The following KCNH7 variants were observed in gnomAD, a reference collection of about 807,000 sequenced individuals.
KCNH7 encodes voltage-gated inwardly rectifying potassium channel KCNH7.
In KCNH7, 49 loss-of-function variants were observed where a neutral mutation model predicts 120.8. The observed-to-expected ratio is 0.41, with a 90% CI of 0.32 to 0.51. KCNH7 has a LOEUF of 0.51. Among genes scored for constraint, KCNH7 ranks in the 20% least tolerant of loss-of-function variants. KCNH7 has a pLI of 0.38. For synonymous variants in KCNH7, 547 were observed against 516.1 expected, an observed-to-expected ratio of 1.06 and a Z score of -0.81; for missense variants, 1,097 against 1,446.6, an observed-to-expected ratio of 0.76 and a Z score of 3.92.
intron 5 of KCNH7, among the ~76,000 whole-genome samples, chr2:162,509,196 A>AAAATTTATACGATGAGGCTATTT (rs1690981679): frequency 6.6e-6 from 1 of 151,602 alleles, no homozygotes; most frequent in African/African-American, 2.4e-5. Flanking sequence ...AAAGATATTT[A>AAAATTTATACGATGAGGCTATTT]AAATTTATAC....
At chr2:162,703,624 T>C (rs1185964515) in intron 2 of KCNH7, among the ~76,000 whole-genome samples, 3 of 152,174 alleles carry the variant, frequency 2.0e-5, no homozygotes, top group African/African-American at 4.8e-5. Context: ...TTGTATAAGA[T>C]GTCTACTTGA....
chr2:162,721,054 G>A (rs1687307951), intron 2 of KCNH7, among the ~76,000 whole-genome samples: 2 of 152,142 alleles, frequency 1.3e-5, no homozygotes, highest in Non-Finnish European at 1.5e-5. Flanking sequence ...CTCATTTCAA[G>A]CTACCAGCTT....
In KCNH7 at chr2:162,722,813, C is replaced by CTTTTTTTTTTT. The variant is rs894023630; in HGVS notation, c.307+113713_307+113723dup. On this transcript the variant is annotated intron_variant, in intron 2 of 15. Transcript: ENST00000332142. Reference sequence around the variant, plus strand: ...AATCCTTTTCATTCATTCTTTTTTTCTTTTTTTTTTTTTTTTTTGCTTCTC... The same window carrying CTTTTTTTTTTT: ...AATCCTTTTCATTCATTCTTTTTTTCTTTTTTTTTTTTTTTTTTTTTTTTTTTTTGCTTCTC... Among the ~76,000 whole-genome samples, 314 of 85,026 alleles carry CTTTTTTTTTTT rather than the reference C, an allele frequency of 3.7e-3. 7 individuals carry two copies. The highest frequency in any genetic ancestry group is 0.011 in the East Asian group (24 of 2,264). 55.8% of individuals were successfully genotyped at this position (85,026 alleles called of 152,430 possible).
At position 162,818,483 on chromosome 2, in the gene KCNH7, G is replaced by C. The variant is rs11904574; in HGVS notation, c.307+18054C>G. Among the ~76,000 whole-genome samples the C allele has an allele frequency of 2.6e-3, 388 of 151,954 alleles. 1 individual carries two copies. The highest frequency in any genetic ancestry group is 4.6e-3 in the African/African-American group (191 of 41,452). ...GATATCAAACTGTTATCATTACTATGGCTTTACAGTAATTCTTAAAATGAG... is the reference window on the plus strand; with the variant it reads ...GATATCAAACTGTTATCATTACTATCGCTTTACAGTAATTCTTAAAATGAG... On this transcript the variant is annotated intron_variant, in intron 2 of 15. Coordinates refer to ENST00000332142, the MANE Select transcript of KCNH7 (RefSeq NM_033272.4).
At chr2:162,584,756 G>C (rs1217455694) in intron 2 of KCNH7, among the ~76,000 whole-genome samples, 9 of 151,882 alleles carry the variant, frequency 5.9e-5, no homozygotes, top group Non-Finnish European at 1.2e-4. Context: ...CACTAATTAT[G>C]CTTCTAACTT....
In KCNH7 at chr2:162,431,100, C is replaced by A. The variant is rs72871643; in HGVS notation, c.1954+4098G>T. On this transcript the variant is annotated intron_variant, in intron 8 of 15. Coordinates refer to ENST00000332142, the MANE Select transcript of KCNH7 (RefSeq NM_033272.4). ...TAGCAGCTTTTAAAAATGCATATAA[C>A]AATCTATATGCATTAGATATTTACT... Among the ~76,000 whole-genome samples the A allele has an allele frequency of 1.6e-3, 241 of 152,094 alleles. 1 individual carries two copies. The highest frequency in any genetic ancestry group is 2.7e-3 in the Non-Finnish European group (185 of 67,936).
intron 2 of KCNH7, among the ~76,000 whole-genome samples, chr2:162,756,931 T>C (rs916413082): frequency 2.0e-5 from 3 of 152,136 alleles, no homozygotes; most frequent in Non-Finnish European, 4.4e-5. Context: ...TTTAAGTTAA[T>C]AGGGCCTGAA....
At chr2:162,610,248 G>A (rs1440750323) in intron 2 of KCNH7, among the ~76,000 whole-genome samples, 2 of 152,140 alleles carry the variant, frequency 1.3e-5, no homozygotes, top group African/African-American at 2.4e-5. Context: ...GGGCAGGCAA[G>A]CCTCACCTGA....
chr2:162,707,728 C>G (rs1440216747), intron 2 of KCNH7, among the ~76,000 whole-genome samples: 1 of 151,998 alleles, frequency 6.6e-6, no homozygotes, highest in Non-Finnish European at 1.5e-5. Flanking sequence ...GGGAAGGATA[C>G]AGTAGAAGTG....
chr2:162,645,368 C>A (rs991693010), intron 2 of KCNH7, among the ~76,000 whole-genome samples: 2 of 152,024 alleles, frequency 1.3e-5, no homozygotes, highest in African/African-American at 4.8e-5. Context: ...GGATGATCTC[C>A]ATCTTTTGAC....
At chr2:162,372,341 T>TA (rs1245146218) in intron 15 of KCNH7, among the ~76,000 whole-genome samples, 4 of 152,176 alleles carry the variant, frequency 2.6e-5, no homozygotes, top group East Asian at 1.9e-4. Flanking sequence ...AAATCAGATT[T>TA]AAAAAAATAT....
intron 6 of KCNH7, among the ~76,000 whole-genome samples, chr2:162,477,937 A>C (rs1055778763): frequency 1.4e-5 from 2 of 147,886 alleles, no homozygotes; most frequent in African/African-American, 2.4e-5. Context: ...CCCTGTCCTC[A>C]TGGAACTTAG....
chr2:162,415,988 G>A (rs992976342), intron 9 of KCNH7, among the ~76,000 whole-genome samples: 1 of 152,054 alleles, frequency 6.6e-6, no homozygotes. Context: ...CCATGTAGCT[G>A]TTTTCCTGGC....
At chr2:162,818,185 T>C (rs62171419) in intron 2 of KCNH7, among the ~76,000 whole-genome samples, 8,292 of 152,014 alleles carry the variant, frequency 0.055, 304 homozygotes, top group South Asian at 0.11. Context: ...TAATATTTAC[T>C]TGCTCACAGT....
chr2:162,827,212 G>A (rs1685316585), intron 2 of KCNH7, among the ~76,000 whole-genome samples: 1 of 152,056 alleles, frequency 6.6e-6, no homozygotes, highest in Non-Finnish European at 1.5e-5. Flanking sequence ...TACTAGTGGT[G>A]AATTTTGTTA....
At chr2:162,735,356 G>C (rs1687868624) in intron 2 of KCNH7, among the ~76,000 whole-genome samples, 1 of 152,110 alleles carries the variant, frequency 6.6e-6, no homozygotes, top group South Asian at 2.1e-4. Context: ...TATAATAGGA[G>C]CTTGAATCCT....
At chr2:162,696,128 AAAC>A (rs1686278759) in intron 2 of KCNH7, among the ~76,000 whole-genome samples, 1 of 152,184 alleles carries the variant, frequency 6.6e-6, no homozygotes, top group Non-Finnish European at 1.5e-5. Context: ...CTTACTTGTA[AAAC>A]TAAGGCTTTG....
intron 14 of KCNH7, 68 bp from the exon 15 acceptor site, chr2:162,373,730 A>T (rs990546816): frequency 5.3e-6 from 6 of 1,141,594 alleles, no homozygotes; most frequent in Non-Finnish European, 7.0e-6. Context: ...CATTTAAAAA[A>T]ATTTCAGCAC....
At chr2:162,541,976 G>T (rs1192179302) in intron 2 of KCNH7, among the ~76,000 whole-genome samples, 2 of 152,066 alleles carry the variant, frequency 1.3e-5, no homozygotes, top group Admixed American at 6.6e-5. Context: ...CAGTCTTTTG[G>T]AGTTGGGGAT....
Sources: allele counts gnomAD v4.1 joint callset (sites outside exome capture counted in the v4.1 genomes callset), GRCh38; gene constraint gnomAD v4.1.1; transcripts MANE v1.5; gene names NCBI Gene and HGNC (gene_info 2026-07-23, HGNC 2026-07-21).